The following PXDNL variants were observed in gnomAD, a reference collection of about 807,000 sequenced individuals.
PXDNL encodes the protein probable oxidoreductase PXDNL.
Under a neutral mutation model 150.8 loss-of-function variants are expected in PXDNL, and 145 were observed. The observed-to-expected ratio is 0.96, with a 90% confidence interval of 0.84 to 1.10. PXDNL has a LOEUF of 1.10. PXDNL is among the 50% of genes least tolerant of loss of function. The pLI, the probability that PXDNL is intolerant of heterozygous loss-of-function variation, is 0.00. For missense variants in PXDNL, 2,087 were observed against 1,873.9 expected (o/e 1.11, Z -2.10); for synonymous variants, 757 against 725.7 (o/e 1.04, Z -0.69).
chr8:51,741,908 A>G lies in PXDNL; in HGVS notation c.164+67273T>C, dbSNP rs181045084. Among the ~76,000 whole-genome samples, 125 of 152,356 alleles carry G rather than the reference A, an allele frequency of 8.2e-4. No homozygotes were observed. The South Asian group carries it at 0.012, about 14-fold the overall frequency. ...TTTGGCGTTTGTACTAGAGAAATGA[A>G]AACAAATTATCACAAAAATACCTTT... On this transcript the variant is annotated intron_variant, in intron 1 of 22. Coordinates refer to ENST00000356297, the MANE Select transcript of PXDNL (RefSeq NM_144651.5).
chr8:51,735,658 T>C (rs1388269017), intron 1 of PXDNL, among the ~76,000 whole-genome samples: 1 of 141,862 alleles, frequency 7.0e-6, no homozygotes, highest in African/African-American at 2.6e-5. Flanking sequence ...GCCATTCTCC[T>C]GCCTCAGCCT....
chr8:51,642,002 T>C (rs1380751826), intron 2 of PXDNL, among the ~76,000 whole-genome samples: 1 of 150,844 alleles, frequency 6.6e-6, no homozygotes, highest in African/African-American at 2.5e-5. Context: ...GTGGCACATA[T>C]ACACCATGGA....
chr8:51,739,386 C>A (rs1202539814), intron 1 of PXDNL, among the ~76,000 whole-genome samples: 1 of 151,842 alleles, frequency 6.6e-6, no homozygotes, highest in Non-Finnish European at 1.5e-5. Context: ...CGCTTTTATT[C>A]ATGATAAGTA....
intron 2 of PXDNL, among the ~76,000 whole-genome samples, chr8:51,593,239 A>C (rs897012332): frequency 1.3e-5 from 2 of 152,202 alleles, no homozygotes; most frequent in African/African-American, 4.8e-5. Flanking sequence ...AGGGAGAAAA[A>C]TAATAGGTGG....
intron 17 of PXDNL, among the ~76,000 whole-genome samples, chr8:51,386,776 C>T (rs1389170478): frequency 6.6e-6 from 1 of 150,984 alleles, no homozygotes; most frequent in Non-Finnish European, 1.5e-5. Context: ...AAGATAGCAC[C>T]ACTGCACTCC....
rs551965445 is a variant in PXDNL, at chr8:51,715,739, G to A, written c.165-60979C>T. 2.6e-5 allele frequency among the ~76,000 whole-genome samples: 4 copies of A among 152,198 alleles called. No homozygotes were observed. In the South Asian group the frequency reaches 6.2e-4, roughly 24 times the overall value. On this transcript the variant is annotated intron_variant, in intron 1 of 22. Coordinates refer to ENST00000356297, the MANE Select transcript of PXDNL (RefSeq NM_144651.5). ...GGGTTTCTTGTCAAGTTAATGGTGC[G>A]GAGGTACCAGGTGTCAGCTGACTCA... is the stretch of plus-strand genomic sequence containing the variant.
chr8:51,447,347 G>A (rs1398358048), intron 11 of PXDNL, among the ~76,000 whole-genome samples, 185 bp from the exon 12 acceptor site: 2 of 151,998 alleles, frequency 1.3e-5, no homozygotes, highest in East Asian at 1.9e-4. Context: ...GCTTGTCCCC[G>A]AAACTCTGCC....
intron 1 of PXDNL, among the ~76,000 whole-genome samples, chr8:51,679,455 A>G (rs1337500679): frequency 6.6e-6 from 1 of 152,216 alleles, no homozygotes; most frequent in Non-Finnish European, 1.5e-5. Context: ...ATTACTTAAC[A>G]TATCATTTGT....
intron 21 of PXDNL, among the ~76,000 whole-genome samples, chr8:51,337,616 G>A (rs1805866429): frequency 6.6e-6 from 1 of 152,050 alleles, no homozygotes; most frequent in African/African-American, 2.4e-5. Context: ...TGGTGGCTCA[G>A]GCCTGTAATC....
intron 18 of PXDNL, among the ~76,000 whole-genome samples, chr8:51,372,291 C>T (rs1807146619): frequency 6.6e-6 from 1 of 152,222 alleles, no homozygotes; most frequent in Non-Finnish European, 1.5e-5. Flanking sequence ...TCACTTTCTA[C>T]TCAAGCTCTA....
chr8:51,707,489 T>C (rs2130892738), intron 1 of PXDNL, among the ~76,000 whole-genome samples: 2 of 152,348 alleles, frequency 1.3e-5, no homozygotes, highest in East Asian at 3.9e-4. Context: ...TGTGGTTTCA[T>C]TTTTGTTTGG....
At chr8:51,456,270 T>C (rs1232501504) in intron 9 of PXDNL, among the ~76,000 whole-genome samples, 2 of 152,222 alleles carry the variant, frequency 1.3e-5, no homozygotes, top group Non-Finnish European at 2.9e-5. Context: ...CTCTCCTCTG[T>C]ATGCTCCAGG....
chr8:51,744,643 T>A (rs1585717381), intron 1 of PXDNL, among the ~76,000 whole-genome samples: 1 of 113,042 alleles, frequency 8.8e-6, no homozygotes, highest in Non-Finnish European at 1.6e-5. Flanking sequence ...ACCACTGCAC[T>A]CTAGCCTGGG....
At chr8:51,720,488 A>G (rs1299313874) in intron 1 of PXDNL, among the ~76,000 whole-genome samples, 1 of 152,190 alleles carries the variant, frequency 6.6e-6, no homozygotes, top group Non-Finnish European at 1.5e-5. Flanking sequence ...TCACATGTGA[A>G]TAAGTATGTT....
intron 2 of PXDNL, among the ~76,000 whole-genome samples, chr8:51,604,393 G>C (rs539564653): frequency 6.6e-6 from 1 of 151,896 alleles, no homozygotes; most frequent in African/African-American, 2.4e-5. Flanking sequence ...GCAAACTATC[G>C]CAAGGACAAA....
At chr8:51,602,777 C>T (rs1182148919) in intron 2 of PXDNL, among the ~76,000 whole-genome samples, 1 of 151,392 alleles carries the variant, frequency 6.6e-6, no homozygotes, top group African/African-American at 2.4e-5. Flanking sequence ...TTATGTTTTA[C>T]AATTATTTTT....
chr8:51,374,514 A>G, intron 18 of PXDNL, 83 bp downstream of exon 18: 1 of 1,391,354 alleles, frequency 7.2e-7, no homozygotes, highest in Non-Finnish European at 1.0e-6. Context: ...TCATAAAAAT[A>G]TGAATCACAA....
intron 19 of PXDNL, among the ~76,000 whole-genome samples, chr8:51,370,021 C>T (rs1031439734): frequency 2.4e-4 from 37 of 152,352 alleles, no homozygotes; most frequent in African/African-American, 8.7e-4. Flanking sequence ...CTACCCTACA[C>T]GTGCTACCAG....
chr8:51,650,576 C>G (rs766591323), intron 2 of PXDNL, among the ~76,000 whole-genome samples: 1 of 152,064 alleles, frequency 6.6e-6, no homozygotes, highest in Non-Finnish European at 1.5e-5. Flanking sequence ...GTGCTCAGGC[C>G]CTGTTGCTTG....
Sources: gnomAD v4.1 joint callset for allele counts (sites outside exome capture counted in the v4.1 genomes callset) on GRCh38, gnomAD v4.1.1 for gene constraint, MANE v1.5 for transcripts, NCBI Gene and HGNC (gene_info 2026-07-23, HGNC 2026-07-21) for gene names.